Variants in GPC5 observed in about 807,000 individuals in gnomAD.
GPC5 encodes glypican-5.
Under a neutral mutation model 53.9 loss-of-function variants are expected in GPC5, and 47 were observed. The ratio of observed to expected loss-of-function variants is 0.87; its 90% CI spans 0.69 to 1.11. The LOEUF is 1.11. Among genes scored for constraint, GPC5 ranks in the 50% most tolerant of loss-of-function variants. The pLI, the probability that GPC5 is intolerant of heterozygous loss-of-function variation, is 0.00. For missense variants in GPC5, 748 were observed against 713.1 expected, an observed-to-expected ratio of 1.05 and a Z score of -0.56; for synonymous variants, 286 against 263.3, an observed-to-expected ratio of 1.09 and a Z score of -0.84.
chr13:91,410,445 G>T (rs373779536), intron 1 of GPC5, among the ~76,000 whole-genome samples: 2 of 148,536 alleles, frequency 1.3e-5, no homozygotes, highest in African/African-American at 5.0e-5. Context: ...TGCCAGGTTC[G>T]TGCCATTCTC....
intron 7 of GPC5, among the ~76,000 whole-genome samples, chr13:92,743,909 C>A (rs1408962710): frequency 6.6e-6 from 1 of 152,072 alleles, no homozygotes; most frequent in Non-Finnish European, 1.5e-5. Flanking sequence ...ATATGTTGAA[C>A]CAGCCTTGCA....
intron 2 of GPC5, among the ~76,000 whole-genome samples, chr13:91,585,658 C>G (rs892762482): frequency 6.6e-6 from 1 of 152,048 alleles, no homozygotes; most frequent in Admixed American, 6.6e-5. Flanking sequence ...CAAGAAGGAC[C>G]ACAAAGAAGT....
intron 2 of GPC5, among the ~76,000 whole-genome samples, chr13:91,634,191 A>G (rs969524369): frequency 9.2e-5 from 14 of 152,102 alleles, no homozygotes; most frequent in African/African-American, 3.1e-4. Flanking sequence ...ATTATTCAAT[A>G]ATCTATTTCT....
chr13:91,992,459 C>CT (rs34928600), intron 6 of GPC5, among the ~76,000 whole-genome samples: 132 of 135,858 alleles, frequency 9.7e-4, no homozygotes, highest in Middle Eastern at 3.8e-3. Flanking sequence ...AAGCTATTTA[C>CT]TTTTTTTTTT....
At chr13:92,793,274 C>G (rs1399051046) in intron 7 of GPC5, among the ~76,000 whole-genome samples, 1 of 152,096 alleles carries the variant, frequency 6.6e-6, no homozygotes, top group Non-Finnish European at 1.5e-5. Context: ...ACCACCTGCT[C>G]CTGAATGACT....
At chr13:92,250,406 C>A (rs146898249) in intron 7 of GPC5, among the ~76,000 whole-genome samples, 3,155 of 152,222 alleles carry the variant, frequency 0.021, 96 homozygotes, top group African/African-American at 0.072. Flanking sequence ...CAGCTGACAG[C>A]TGTCACTGAA....
chr13:92,454,539 C>A (rs1878188754), intron 7 of GPC5, among the ~76,000 whole-genome samples: 1 of 152,124 alleles, frequency 6.6e-6, no homozygotes, highest in Non-Finnish European at 1.5e-5. Flanking sequence ...ATAATAAATG[C>A]TCAAAAATAT....
intron 7 of GPC5, among the ~76,000 whole-genome samples, chr13:92,475,625 G>C (rs181628289): frequency 2.6e-5 from 4 of 152,254 alleles, no homozygotes; most frequent in Admixed American, 2.6e-4. Context: ...CACACTACCT[G>C]ACTTCAAACT....
chr13:92,557,892 G>A (rs1882554003), intron 7 of GPC5, among the ~76,000 whole-genome samples: 1 of 151,952 alleles, frequency 6.6e-6, no homozygotes, highest in Non-Finnish European at 1.5e-5. Flanking sequence ...CATCTCCAGA[G>A]TCTGGAACAG....
rs188140833 is a variant in GPC5 at position 91,457,243 on chromosome 13, A to C, written c.325+8321A>C. Among the ~76,000 whole-genome samples the C allele has an allele frequency of 8.5e-4, 129 of 152,186 alleles. 1 individual carries two copies. The highest frequency in any genetic ancestry group is 2.9e-3 in the African/African-American group (121 of 41,556). The stretch of plus-strand genomic sequence containing the variant: ...AATATCCAATGTAACTAATTAGTTT[A>C]AAAAATAACATTTTCAGTATTTTGA... On this transcript the variant is annotated intron_variant, in intron 2 of 7. Coordinates refer to ENST00000377067, the MANE Select transcript of GPC5 (RefSeq NM_004466.6).
chr13:92,068,191 C>A (rs2041181971), intron 6 of GPC5, among the ~76,000 whole-genome samples: 1 of 151,720 alleles, frequency 6.6e-6, no homozygotes, highest in South Asian at 2.1e-4. Flanking sequence ...ATATTTAAAA[C>A]TGTTTAACTG....
At chr13:92,441,760 C>A (rs1877576769) in intron 7 of GPC5, among the ~76,000 whole-genome samples, 1 of 152,026 alleles carries the variant, frequency 6.6e-6, no homozygotes. Flanking sequence ...CCCTACTTGC[C>A]TAGAACAGTT....
chr13:92,698,205 G>A (rs1302607759), intron 7 of GPC5, among the ~76,000 whole-genome samples: 1 of 151,658 alleles, frequency 6.6e-6, no homozygotes, highest in Non-Finnish European at 1.5e-5. Context: ...TAGGGTACAT[G>A]TGCACAACGT....
rs1328730342 is a variant in GPC5 at position 92,581,541 on chromosome 13, T to C, written c.1562-284741T>C. 2.0e-5 allele frequency among the ~76,000 whole-genome samples: 3 copies of C among 152,184 alleles called. No individual in the cohort carries two copies. In the East Asian group the frequency reaches 5.8e-4, roughly 29 times the overall value. Reference sequence around the variant, plus strand: ...GCTGCAATGAACAGGACAGTGCAGATATCTCTTTGACATACCAATTTCATA... The same window carrying C: ...GCTGCAATGAACAGGACAGTGCAGACATCTCTTTGACATACCAATTTCATA... On this transcript the variant is annotated intron_variant, in intron 7 of 7. Coordinates refer to ENST00000377067, the MANE Select transcript of GPC5 (RefSeq NM_004466.6).
At chr13:92,024,222 C>T (rs938894239) in intron 6 of GPC5, among the ~76,000 whole-genome samples, 7 of 151,976 alleles carry the variant, frequency 4.6e-5, no homozygotes, top group Non-Finnish European at 1.0e-4. Context: ...CTCATATTAC[C>T]CCCTAGACAT....
chr13:91,623,819 G>A (rs2033930049), intron 2 of GPC5, among the ~76,000 whole-genome samples: 1 of 152,074 alleles, frequency 6.6e-6, no homozygotes, highest in African/African-American at 2.4e-5. Context: ...TGCTCTAAAT[G>A]TCTAATTTAG....
At chr13:91,604,448 A>T (rs1303319696) in intron 2 of GPC5, among the ~76,000 whole-genome samples, 1 of 151,788 alleles carries the variant, frequency 6.6e-6, no homozygotes, top group African/African-American at 2.4e-5. Context: ...CATGATTTAT[A>T]GTCCTTTGGG....
chr13:92,204,477 C>T (rs775792607), intron 7 of GPC5, among the ~76,000 whole-genome samples: 3 of 152,156 alleles, frequency 2.0e-5, no homozygotes, highest in Non-Finnish European at 2.9e-5. Flanking sequence ...CGAGTCTGCC[C>T]AGACTTCGGA....
At chr13:92,017,980 G>A (rs2040722521) in intron 6 of GPC5, among the ~76,000 whole-genome samples, 1 of 149,708 alleles carries the variant, frequency 6.7e-6, no homozygotes. Context: ...TGCAGCACGA[G>A]TACACACACA....
Sources: gnomAD v4.1 joint callset for allele counts (sites outside exome capture counted in the v4.1 genomes callset) on GRCh38, gnomAD v4.1.1 for gene constraint, MANE v1.5 for transcripts, NCBI Gene and HGNC (gene_info 2026-07-23, HGNC 2026-07-21) for gene names.